The following NPC1L1 variants were observed in gnomAD, a reference collection of about 807,000 sequenced individuals.
NPC1L1 encodes the protein NPC1 like intracellular cholesterol transporter 1.
In NPC1L1, 98 loss-of-function variants were observed where a neutral mutation model predicts 117.0. That is an observed-to-expected ratio of 0.84 (90% CI 0.71 to 0.99). NPC1L1 has a LOEUF of 0.99. NPC1L1 is among the 50% of genes least tolerant of loss of function. The pLI is 0.00. For synonymous variants in NPC1L1, 729 were observed against 727.6 expected (o/e 1.00, Z -0.03); for missense variants, 1,540 against 1,710.0 (o/e 0.90, Z 1.75).
chr7:44,533,862 G>GA lies in NPC1L1; in HGVS notation c.2167-10dup. 6.2e-7 allele frequency: 1 copy of GA among 1,604,050 alleles called. No homozygotes were observed. Among genetic ancestry groups the GA allele is most frequent in the Non-Finnish European group, 8.5e-7 (1 of 1,175,036 alleles). ...GGCCTCCGGGGCAGCCTCTGTGTGG[G>GA]AACAGCAGGGATAAGAGCCAGGGCC... On this transcript the variant is annotated splice_polypyrimidine_tract_variant and intron_variant, in intron 6 of 18. Transcript: ENST00000381160.
rs769780803 is a variant in NPC1L1, at chr7:44,520,987, C to T, written c.3080+5G>A. 6.2e-7 allele frequency: 1 copy of T among 1,614,164 alleles called. No individual in the cohort carries two copies. Among genetic ancestry groups the T allele is most frequent in the Non-Finnish European group, 8.5e-7 (1 of 1,180,040 alleles). Reference sequence around the variant, plus strand: ...CTCCCCAGCAGAAGGCCCTCCCAAGCTTACCCTTTGGGACATTTGATGTTG... The same window carrying T: ...CTCCCCAGCAGAAGGCCCTCCCAAGTTTACCCTTTGGGACATTTGATGTTG... On this transcript the variant is annotated splice_donor_5th_base_variant and intron_variant, in intron 13 of 18. Transcript: ENST00000381160.
At chr7:44,515,409 A>G (rs994153249) in intron 18 of NPC1L1, among the ~76,000 whole-genome samples, 3 of 152,200 alleles carry the variant, frequency 2.0e-5, no homozygotes, top group Non-Finnish European at 2.9e-5. Flanking sequence ...AATGCTTCAC[A>G]TGTATAAAGG....
intron 14 of NPC1L1, among the ~76,000 whole-genome samples, chr7:44,519,716 G>A (rs1046547234): frequency 1.3e-5 from 2 of 152,108 alleles, no homozygotes; most frequent in African/African-American, 2.4e-5. Flanking sequence ...TACACAGATG[G>A]CTGTCTTGTT....
intron 10 of NPC1L1, among the ~76,000 whole-genome samples, chr7:44,529,079 A>C (rs1163733718): frequency 6.7e-6 from 1 of 150,282 alleles, no homozygotes; most frequent in Non-Finnish European, 1.5e-5. Flanking sequence ...TCAAAAAAAA[A>C]AAAGAAAAAA....
intron 14 of NPC1L1, chr7:44,518,794 A>C: frequency 3.0e-6 from 3 of 985,784 alleles, no homozygotes; most frequent in South Asian, 3.1e-5. Flanking sequence ...ATACAATCTC[A>C]GAGCAGGGGA....
chr7:44,538,451 G>C lies in NPC1L1; in HGVS notation c.1580+366C>G, dbSNP rs1801966615. ...ACGGCCCCTGGCACAGAAACAAGAA[G>C]CAAAACATAGCAAATATAAATATGT... On this transcript the variant is annotated intron_variant, in intron 2 of 18. Transcript: ENST00000381160. The surrounding 1 kb of genome is among the most constrained non-coding windows in gnomAD (Gnocchi z 5.9). 6.6e-6 allele frequency among the ~76,000 whole-genome samples: 1 copy of C among 152,256 alleles called. No homozygotes were observed. The highest frequency in any genetic ancestry group is 2.1e-4 in the South Asian group (1 of 4,838).
At position 44,534,578 on chromosome 7, in the gene NPC1L1, C is replaced by T; in HGVS notation, c.2035G>A (p.Ala679Thr). 6 of 1,614,162 alleles carry T rather than the reference C, an allele frequency of 3.7e-6. No individual in the cohort carries two copies. Among genetic ancestry groups the T allele is most frequent in the Non-Finnish European group, 5.1e-6 (6 of 1,180,012 alleles). The change falls in exon 6 of 19, where the codon GCA (alanine) becomes ACA (threonine). Residue 679 changes from alanine (A) to threonine (T), a missense_variant. This residue lies in a region of NPC1L1 where 742 missense variants were observed against 873.6 expected (regional missense o/e 0.85). Transcript: ENST00000381160. The surrounding 1 kb of genome is among the most constrained non-coding windows in gnomAD (Gnocchi z 5.2). The part of the protein sequence containing the change: ...GLGGVAVVLG[A>T]VMAAMGFFSY... ...AAGAAGCCCATGGCAGCCATGACTG[C>T]TCCCAGGACCACGGCCACCCCGCCG... is the stretch of plus-strand genomic sequence containing the variant.
At position 44,532,196 on chromosome 7, in the gene NPC1L1, A is replaced by C; in HGVS notation, c.2431T>G (p.Cys811Gly). 1 of 1,613,850 alleles carries C rather than the reference A, an allele frequency of 6.2e-7. No individual in the cohort carries two copies. The highest frequency in any genetic ancestry group is 1.3e-5 in the African/African-American group (1 of 75,034). Residue 811 changes from cysteine (C) to glycine (G), a missense_variant, in exon 9 of 19, where the codon TGC becomes GGC. This residue lies in a region of NPC1L1 where 742 missense variants were observed against 873.6 expected (regional missense o/e 0.85). Transcript: ENST00000381160. ...GGCAGCTCCTGGGGCTTGACACAGC[A>C]GCAGACGTCCAACCGGGAGGCCTGG... is the stretch of plus-strand genomic sequence containing the variant. ...RQEASRLDVC[C>G]CVKPQELPPP...
At chr7:44,516,552 G>T (rs1411744104) in intron 16 of NPC1L1, 151 bp downstream of exon 16, 1 of 732,178 alleles carries the variant, frequency 1.4e-6, no homozygotes, top group Non-Finnish European at 2.4e-6. Context: ...GCTACAGTGA[G>T]CTGTGATCAT....
intron 16 of NPC1L1, 119 bp from the exon 17 acceptor site, chr7:44,516,316 G>A: frequency 2.2e-6 from 2 of 895,606 alleles, no homozygotes; most frequent in Non-Finnish European, 3.6e-6. Context: ...AGAACTGGGA[G>A]TATTTGGCCG....
chr7:44,537,877 C>G (rs553021220), intron 2 of NPC1L1, among the ~76,000 whole-genome samples: 1 of 152,196 alleles, frequency 6.6e-6, no homozygotes, highest in Non-Finnish European at 1.5e-5. Flanking sequence ...AGAGAGAGCC[C>G]TTGGGTTCCT....
rs137889714 is a variant in NPC1L1 at position 44,533,515 on chromosome 7, G to A, written c.2325C>T (p.Thr775=). 1,148 of 1,614,226 alleles carry A rather than the reference G, an allele frequency of 7.1e-4. 4 individuals carry two copies. The highest frequency in any genetic ancestry group is 1.6e-3 in the South Asian group (148 of 91,078). ...PMPAVRTFAL[T]SGLAVILDFL... ...AGTCAAGGATCACTGCAAGGCCAGA[G>A]GTCAGGGCAAAGGTCCGCACAGCTG... The change falls in exon 8 of 19, where the codon ACC becomes ACT. Residue 775 remains threonine (T), a synonymous_variant. Coordinates refer to ENST00000381160, the MANE Select transcript of NPC1L1 (RefSeq NM_001101648.2).
intron 1 of NPC1L1, among the ~76,000 whole-genome samples, chr7:44,540,777 C>T (rs1802077593): frequency 6.6e-6 from 1 of 151,976 alleles, no homozygotes; most frequent in South Asian, 2.1e-4. Flanking sequence ...TGTCACCCAC[C>T]TCCCAGACAC....
chr7:44,538,875 TCTGGTTGG>T lies in NPC1L1; in HGVS notation c.1514_1521del (p.Ala505AspfsTer38). 5 of 1,614,178 alleles carry T rather than the reference TCTGGTTGG, an allele frequency of 3.1e-6. No individual in the cohort carries two copies. The highest frequency in any genetic ancestry group is 4.2e-6 in the Non-Finnish European group (5 of 1,180,024). ...ACTTGGGAGGTCTGCCCCATCAGTG[TCTGGTTGG>T]CTGTGAGCAGCAGGAGCGTGCGGTT... On this transcript the variant is annotated frameshift_variant, in exon 2 of 19. Coordinates refer to ENST00000381160, the MANE Select transcript of NPC1L1 (RefSeq NM_001101648.2). LOFTEE classifies it high-confidence loss of function. This position sits in a 1 kb window ranked among gnomAD's most constrained non-coding sequence, Gnocchi z 5.9.
Position 44,536,253 on chromosome 7 carries a change from T to A in NPC1L1, c.1854+3A>T, listed in dbSNP as rs1373558722. 1 of 1,613,310 alleles carries A rather than the reference T, an allele frequency of 6.2e-7. No individual in the cohort carries two copies. The highest frequency in any genetic ancestry group is 1.7e-5 in the Admixed American group (1 of 60,032). On this transcript the variant is annotated splice_donor_region_variant and intron_variant, in intron 4 of 18. Transcript: ENST00000381160. The surrounding 1 kb of genome is among the most constrained non-coding windows in gnomAD (Gnocchi z 4.7). The stretch of plus-strand genomic sequence containing the variant: ...CCAGAGCCAGGGACCCTGCAGCCCC[T>A]ACCTCAGCCATGAACGTGACCTGGA...
intron 14 of NPC1L1, chr7:44,518,560 T>C: frequency 2.8e-6 from 1 of 361,188 alleles, no homozygotes. Flanking sequence ...TCCCAGCTAC[T>C]AGGGAGGCTG....
Position 44,532,141 on chromosome 7 carries a change from A to T in NPC1L1, c.2486T>A (p.Leu829His). Residue 829 changes from leucine (L) to histidine (H), a missense_variant, in exon 9 of 19, where the codon CTT becomes CAT. Around this residue, in one of 3 missense-constraint regions of NPC1L1, gnomAD observed 742 missense variants for 873.6 expected, o/e 0.85. Coordinates refer to ENST00000381160, the MANE Select transcript of NPC1L1 (RefSeq NM_001101648.2). ...PPPGQGEGLL[L>H]GFFQKAYAPF... The stretch of plus-strand genomic sequence containing the variant: ...GGCATAAGCCTTTTGGAAGAAGCCA[A>T]GCAGGAGCCCCTCTCCCTGGCCAGG... 1 of 1,614,098 alleles carries T rather than the reference A, an allele frequency of 6.2e-7. No homozygotes were observed. Among genetic ancestry groups the T allele is most frequent in the Non-Finnish European group, 8.5e-7 (1 of 1,180,022 alleles).
At chr7:44,535,749 G>A in intron 5 of NPC1L1, 91 bp downstream of exon 5, 2 of 1,580,704 alleles carry the variant, frequency 1.3e-6, no homozygotes, top group South Asian at 2.2e-5. Context: ...GCTGTTCTGA[G>A]GTGCTGTGGT....
intron 1 of NPC1L1, among the ~76,000 whole-genome samples, chr7:44,540,819 G>A (rs902574434): frequency 1.3e-5 from 2 of 151,966 alleles, no homozygotes; most frequent in African/African-American, 2.4e-5. Flanking sequence ...AGGTGCCAGC[G>A]CTGGATCTTC....
Sources: gnomAD v4.1 joint callset for allele counts (sites outside exome capture counted in the v4.1 genomes callset) on GRCh38, gnomAD v4.1.1 for gene constraint, gnomAD v4.1.1 regional missense constraint, Gnocchi (gnomAD v3.1) non-coding constraint, MANE v1.5 for transcripts, NCBI Gene and HGNC (gene_info 2026-07-23, HGNC 2026-07-21) for gene names.